Variants in FNBP1 observed in about 807,000 individuals in gnomAD.
FNBP1 encodes the protein formin binding protein 1.
Under a neutral mutation model 90.6 loss-of-function variants are expected in FNBP1, and 26 were observed. The observed-to-expected ratio is 0.29, with a 90% confidence interval of 0.21 to 0.40. The LOEUF is 0.40. Ranked by LOEUF, FNBP1 falls within the 10% of genes least tolerant of loss-of-function variation. The pLI, the probability that FNBP1 is intolerant of heterozygous loss-of-function variation, is 1.00. For synonymous variants in FNBP1, 260 were observed against 265.2 expected (o/e 0.98, Z 0.19); for missense variants, 635 against 768.0 (o/e 0.83, Z 2.05).
intron 1 of FNBP1, chr9:130,014,099 A>T: frequency 2.2e-6 from 1 of 455,242 alleles, no homozygotes; most frequent in Non-Finnish European, 4.4e-6. Flanking sequence ...GTATATTCAT[A>T]CAGGATGAAA....
chr9:129,930,595 C>T (rs1282276589), intron 6 of FNBP1, among the ~76,000 whole-genome samples: 1 of 152,128 alleles, frequency 6.6e-6, no homozygotes, highest in Non-Finnish European at 1.5e-5. Flanking sequence ...ATAATTTACA[C>T]ATTTGTTTTT....
intron 6 of FNBP1, among the ~76,000 whole-genome samples, chr9:129,947,540 G>C (rs1402679528): frequency 6.6e-6 from 1 of 152,034 alleles, no homozygotes; most frequent in African/African-American, 2.4e-5. Context: ...CGCATACCTT[G>C]CCAGTAGATA....
chr9:130,053,476 A>G, the FNBP1 span: 1 of 178,842 alleles, frequency 5.6e-6, no homozygotes, highest in Non-Finnish European at 1.2e-5. Context: ...CTAGAAAACC[A>G]CAGGACCCCT....
At chr9:129,895,484 C>A in intron 16 of FNBP1, 1 of 1,161,246 alleles carries the variant, frequency 8.6e-7, no homozygotes, top group Non-Finnish European at 1.1e-6. Context: ...TGCGTGCCGG[C>A]TTTTAAATTC....
intron 16 of FNBP1, among the ~76,000 whole-genome samples, chr9:129,892,418 A>ACACACACACAC: frequency 9.3e-6 from 1 of 107,716 alleles, no homozygotes. Context: ...CACACACACA[A>ACACACACACAC]AAAGGTTGAC....
At chr9:130,046,676 G>A (rs2060062151), upstream of FNBP1, among the ~76,000 whole-genome samples, 1 of 148,300 alleles carries the variant, frequency 6.7e-6, no homozygotes, top group Admixed American at 6.8e-5. Context: ...ACTGAGGCAA[G>A]AGAATCGCTT....
At chr9:130,007,247 AAAAAAAAAAAG>A (rs1458968011) in intron 1 of FNBP1, among the ~76,000 whole-genome samples, 1 of 148,964 alleles carries the variant, frequency 6.7e-6, no homozygotes, top group East Asian at 1.9e-4. Context: ...GTCAAAAAAA[AAAAAAAAAAAG>A]AAAAAAAAAA....
chr9:129,953,266 A>G (rs1461721852), intron 6 of FNBP1, among the ~76,000 whole-genome samples: 5 of 152,018 alleles, frequency 3.3e-5, no homozygotes, highest in Non-Finnish European at 7.4e-5. Context: ...CGGGCAGATC[A>G]CTTCAGGTCA....
chr9:130,040,596 G>A (rs1018165629), intron 1 of FNBP1, among the ~76,000 whole-genome samples: 10 of 150,266 alleles, frequency 6.7e-5, no homozygotes, highest in Non-Finnish European at 4.4e-5. Flanking sequence ...ACGCCAGCCT[G>A]GGCAGGCAAC....
intron 2 of FNBP1, among the ~76,000 whole-genome samples, chr9:129,983,786 G>C (rs1009712472): frequency 2.0e-5 from 3 of 152,060 alleles, no homozygotes; most frequent in Non-Finnish European, 4.4e-5. Context: ...ACTCCAGCCT[G>C]GGTGACAGAG....
At chr9:130,017,820 A>G (rs1210793127) in intron 1 of FNBP1, among the ~76,000 whole-genome samples, 4 of 145,672 alleles carry the variant, frequency 2.7e-5, no homozygotes, top group Non-Finnish European at 4.5e-5. Flanking sequence ...ACAGAGTGAG[A>G]CTCCATCAAA....
At chr9:129,905,034 C>T (rs1004979273) in intron 12 of FNBP1, among the ~76,000 whole-genome samples, 1 of 151,672 alleles carries the variant, frequency 6.6e-6, no homozygotes, top group Non-Finnish European at 1.5e-5. Flanking sequence ...AAATAACAAA[C>T]ATGACAAGCC....
chr9:129,929,613 T>G lies in FNBP1; in HGVS notation c.596A>C (p.His199Pro). The change falls in exon 7 of 17, where the codon CAT becomes CCT. Residue 199 changes from histidine (H) to proline (P), a missense_variant. Physicochemically the swap from His to Pro is moderately conservative, Grantham distance 77. Coordinates refer to ENST00000446176, the MANE Select transcript of FNBP1 (RefSeq NM_015033.3). Reference sequence around the variant, plus strand: ...AGTATGGTAATATTCATGCTGCTCATGGTTGAATTTCTGGAGAATGGATGA... The same window carrying G: ...AGTATGGTAATATTCATGCTGCTCAGGGTTGAATTTCTGGAGAATGGATGA... ...DYSSILQKFN[H>P]EQHEYYHTHI... The G allele has an allele frequency of 6.2e-7, 1 of 1,613,726 alleles. No homozygotes were observed. The highest frequency in any genetic ancestry group is 8.5e-7 in the Non-Finnish European group (1 of 1,179,640).
At chr9:129,905,539 A>AC (rs1256579411) in intron 12 of FNBP1, among the ~76,000 whole-genome samples, 1 of 151,888 alleles carries the variant, frequency 6.6e-6, no homozygotes, top group African/African-American at 2.4e-5. Context: ...TGAACTCCTG[A>AC]CCTCAGATGA....
chr9:129,890,701 G>A lies in FNBP1; in HGVS notation c.1847-155C>T, dbSNP rs866446869. On this transcript the variant is annotated intron_variant, in intron 16 of 16. Coordinates refer to ENST00000446176, the MANE Select transcript of FNBP1 (RefSeq NM_015033.3). This position sits in a 1 kb window ranked among gnomAD's most constrained non-coding sequence, Gnocchi z 5.8. ...TGGGAGGGGGCGTCTTAGAGCAATC[G>A]GTTACCACAGGGCGGGTCTGAGATG... 6.6e-6 allele frequency among the ~76,000 whole-genome samples: 1 copy of A among 152,194 alleles called. No individual in the cohort carries two copies. Among genetic ancestry groups the A allele is most frequent in the Non-Finnish European group, 1.5e-5 (1 of 68,044 alleles).
intron 4 of FNBP1, among the ~76,000 whole-genome samples, chr9:129,968,556 C>G (rs1402334782): frequency 6.6e-6 from 1 of 152,090 alleles, no homozygotes; most frequent in Non-Finnish European, 1.5e-5. Flanking sequence ...GGAGTCAGTC[C>G]ATGCTGCAGA....
intron 6 of FNBP1, among the ~76,000 whole-genome samples, chr9:129,930,431 T>C (rs1266539727): frequency 1.3e-5 from 2 of 152,172 alleles, no homozygotes; most frequent in African/African-American, 4.8e-5. Flanking sequence ...TATGAACCAC[T>C]GACCTAAGGA....
rs187700382 is a variant in FNBP1, at chr9:130,031,326, G to A, written c.24+11626C>T. On this transcript the variant is annotated intron_variant, in intron 1 of 16. Coordinates refer to ENST00000446176, the MANE Select transcript of FNBP1 (RefSeq NM_015033.3). The surrounding 1 kb of genome is among the most constrained non-coding windows in gnomAD (Gnocchi z 4.2). ...TAGGTACCTGCTTTCAGCAGTTCAA[G>A]GGTATTTCCCATGCTCTCAAGGTGA... Among the ~76,000 whole-genome samples, 28 of 152,308 alleles carry A rather than the reference G, an allele frequency of 1.8e-4. No homozygotes were observed. The East Asian group carries it at 3.5e-3, about 19-fold the overall frequency.
At chr9:129,937,860 A>T (rs952658027) in intron 6 of FNBP1, among the ~76,000 whole-genome samples, 1 of 152,076 alleles carries the variant, frequency 6.6e-6, no homozygotes, top group Non-Finnish European at 1.5e-5. Context: ...ATAACCTAGA[A>T]GTGAACCAAA....
Sources: gnomAD v4.1 joint callset for allele counts (sites outside exome capture counted in the v4.1 genomes callset) on GRCh38, gnomAD v4.1.1 for gene constraint, Gnocchi (gnomAD v3.1) non-coding constraint, MANE v1.5 for transcripts, NCBI Gene and HGNC (gene_info 2026-07-23, HGNC 2026-07-21) for gene names.